The following LMO7 variants were observed in gnomAD, a reference collection of about 807,000 sequenced individuals.
LMO7 encodes the protein LIM domain only protein 7.
LMO7 carries 120 observed loss-of-function variants against 206.5 expected under a neutral mutation model. The ratio of observed to expected loss-of-function variants is 0.58; its 90% CI spans 0.50 to 0.68. The LOEUF (loss-of-function observed/expected upper bound fraction) is 0.68. Among genes scored for constraint, LMO7 ranks in the 30% least tolerant of loss-of-function variants. The pLI, the probability that LMO7 is intolerant of heterozygous loss-of-function variation, is 0.00. For synonymous variants in LMO7, 706 were observed against 681.5 expected, an observed-to-expected ratio of 1.04 and a Z score of -0.56; for missense variants, 1,959 against 1,957.9, an observed-to-expected ratio of 1.00 and a Z score of -0.01.
At chr13:75,624,113 T>C (rs2033710660) in intron 2 of LMO7, among the ~76,000 whole-genome samples, 2 of 152,184 alleles carry the variant, frequency 1.3e-5, no homozygotes, top group African/African-American at 4.8e-5. Flanking sequence ...TTCAGTCTCC[T>C]CATCTATGAC....
chr13:75,633,812 T>C (rs1296074537), upstream of LMO7, among the ~76,000 whole-genome samples: 4 of 151,748 alleles, frequency 2.6e-5, no homozygotes, highest in African/African-American at 7.3e-5. Context: ...ATTATGTTTA[T>C]TTATGTTTAT....
Position 75,858,882 on chromosome 13 carries a change from T to A in LMO7, c.*939T>A, listed in dbSNP as rs2061144823. ...CTTCGAAACTATGCCACAGTCTGGA[T>A]GTGTTTACTGAAACATTTTAATAAG... On this transcript the variant is annotated 3_prime_UTR_variant, in exon 31 of 31. Coordinates refer to ENST00000377534, the MANE Select transcript of LMO7 (RefSeq NM_001306080.2). 6.6e-6 allele frequency: 1 copy of A among 152,226 alleles called. No individual in the cohort carries two copies. The highest frequency in any genetic ancestry group is 1.9e-4 in the East Asian group (1 of 5,206). 9.4% of individuals were successfully genotyped at this position (152,226 alleles called of 1,614,324 possible). A position where few individuals can be genotyped will look rare whatever the true frequency, so the allele number is the denominator to read the frequency against.
chr13:75,803,665 C>T (rs2055067140), intron 7 of LMO7, among the ~76,000 whole-genome samples: 1 of 152,120 alleles, frequency 6.6e-6, no homozygotes, highest in Admixed American at 6.6e-5. Context: ...ATATAATTTC[C>T]ATGGCCACTC....
intron 4 of LMO7, among the ~76,000 whole-genome samples, chr13:75,790,506 C>T (rs907035578): frequency 1.3e-5 from 2 of 152,096 alleles, no homozygotes; most frequent in East Asian, 1.9e-4. Flanking sequence ...GGGAACGACC[C>T]GGCCTGGGAT....
At chr13:75,811,266 A>C (rs1327947631) in intron 11 of LMO7, among the ~76,000 whole-genome samples, 4 of 130,550 alleles carry the variant, frequency 3.1e-5, no homozygotes, top group Non-Finnish European at 6.2e-5. Flanking sequence ...GCTGGTCTTG[A>C]GCTCCTGGGC....
chr13:75,850,963 G>A (rs747323150), intron 27 of LMO7, among the ~76,000 whole-genome samples: 5 of 152,176 alleles, frequency 3.3e-5, no homozygotes, highest in Non-Finnish European at 5.9e-5. Context: ...CCTGTGTTCT[G>A]CATATGGGCC....
chr13:75,723,191 A>G (rs1041612874), intron 2 of LMO7, among the ~76,000 whole-genome samples: 7 of 146,604 alleles, frequency 4.8e-5, no homozygotes, highest in African/African-American at 1.8e-4. Flanking sequence ...AAAATAAAAG[A>G]TTAAAAAAAA....
At chr13:75,822,930 G>A (rs1442445405) in intron 14 of LMO7, among the ~76,000 whole-genome samples, 2 of 151,400 alleles carry the variant, frequency 1.3e-5, no homozygotes, top group Non-Finnish European at 2.9e-5. Context: ...GATATTTGTT[G>A]CAGTAGTTTT....
intron 3 of LMO7, among the ~76,000 whole-genome samples, chr13:75,744,463 ATTAAC>A (rs1432749892): frequency 6.6e-6 from 1 of 152,354 alleles, no homozygotes; most frequent in East Asian, 1.9e-4. Flanking sequence ...CAACACTGTA[ATTAAC>A]TTGTAGAGGT....
chr13:75,647,736 T>C (rs1386459617), intron 1 of LMO7, among the ~76,000 whole-genome samples: 1 of 152,172 alleles, frequency 6.6e-6, no homozygotes, highest in Non-Finnish European at 1.5e-5. Context: ...GGAAAGTTTC[T>C]ATCATCTGCT....
intron 3 of LMO7, among the ~76,000 whole-genome samples, chr13:75,742,520 C>A (rs749084293): frequency 2.0e-5 from 3 of 152,124 alleles, no homozygotes; most frequent in Non-Finnish European, 4.4e-5. Context: ...GGTACAAAAA[C>A]AGACACATAG....
At chr13:75,673,789 A>G (rs1301528938) in intron 1 of LMO7, among the ~76,000 whole-genome samples, 1 of 152,238 alleles carries the variant, frequency 6.6e-6, no homozygotes, top group Non-Finnish European at 1.5e-5. Context: ...ATTGAGAAAA[A>G]TCCAGAATTG....
intron 4 of LMO7, among the ~76,000 whole-genome samples, chr13:75,785,066 G>GA (rs1362611464): frequency 6.6e-6 from 1 of 152,032 alleles, no homozygotes; most frequent in Non-Finnish European, 1.5e-5. Flanking sequence ...AATTTTGTCA[G>GA]AAAAAATGGC....
intron 21 of LMO7, 105 bp from the exon 22 acceptor site, chr13:75,840,286 G>A: frequency 1.4e-6 from 2 of 1,422,774 alleles, no homozygotes; most frequent in Non-Finnish European, 9.9e-7. Flanking sequence ...TACAGTTTAA[G>A]CAAACTGTGA....
intron 3 of LMO7, among the ~76,000 whole-genome samples, chr13:75,732,137 C>T (rs909486598): frequency 2.6e-5 from 4 of 152,030 alleles, no homozygotes; most frequent in African/African-American, 7.3e-5. Flanking sequence ...ATCTCTGTGG[C>T]GTCCTCTGTA....
chr13:75,838,406 G>C, intron 20 of LMO7: 1 of 1,254,378 alleles, frequency 8.0e-7, no homozygotes, highest in Non-Finnish European at 1.0e-6. Flanking sequence ...GTCTTTGTGT[G>C]TCCTTTGTAT....
chr13:75,707,851 G>C (rs536635426), intron 1 of LMO7, among the ~76,000 whole-genome samples: 4 of 151,590 alleles, frequency 2.6e-5, no homozygotes, highest in African/African-American at 9.7e-5. Context: ...TCAATATTTA[G>C]ATATATGAGG....
intron 6 of LMO7, 143 bp from the exon 7 acceptor site, chr13:75,800,541 G>A: frequency 3.0e-6 from 2 of 676,176 alleles, no homozygotes; most frequent in South Asian, 3.9e-5. Context: ...TCAGCTTTTT[G>A]CTGTGTCCGA....
intron 9 of LMO7, chr13:75,806,370 C>T (rs1022132083): frequency 2.2e-5 from 9 of 416,312 alleles, no homozygotes; most frequent in African/African-American, 1.9e-4. Flanking sequence ...AATCAGGAAA[C>T]CTGACTCACT....
Sources: gnomAD v4.1 joint callset for allele counts (sites outside exome capture counted in the v4.1 genomes callset) on GRCh38, gnomAD v4.1.1 for gene constraint, MANE v1.5 for transcripts, NCBI Gene and HGNC (gene_info 2026-07-23, HGNC 2026-07-21) for gene names.